The following SLC6A13 variants were observed in gnomAD, a reference collection of about 807,000 sequenced individuals.
SLC6A13 encodes solute carrier family 6 member 13, also known as sodium- and chloride-dependent GABA transporter 2.
In SLC6A13, 69 loss-of-function variants were observed where a neutral mutation model predicts 72.9. The observed-to-expected ratio is 0.95, with a 90% CI of 0.78 to 1.16. The LOEUF is 1.16. Among genes scored for constraint, SLC6A13 ranks in the 50% most tolerant of loss-of-function variants. The pLI, the probability that SLC6A13 is intolerant of heterozygous loss-of-function variation, is 0.00. For missense variants in SLC6A13, 735 were observed against 760.5 expected, an observed-to-expected ratio of 0.97 and a Z score of 0.39; for synonymous variants, 303 against 303.0, an observed-to-expected ratio of 1.00 and a Z score of 0.00.
chr12:221,850 C>T (rs937695083), intron 13 of SLC6A13, among the ~76,000 whole-genome samples: 26 of 152,134 alleles, frequency 1.7e-4, no homozygotes, highest in Non-Finnish European at 3.4e-4. Context: ...TCTCCTGCAC[C>T]GTGAGTTTGG....
At chr12:251,448 T>C (rs797733) in intron 2 of SLC6A13, among the ~76,000 whole-genome samples, 130,929 of 152,190 alleles carry the variant, frequency 0.86, 56,628 homozygotes, top group Non-Finnish European at 0.91. Context: ...TCAACCCATA[T>C]CTTCACTGTA....
intron 14 of SLC6A13, 46 bp from the exon 15 acceptor site, chr12:221,116 G>A (rs1179148089): frequency 1.3e-6 from 2 of 1,542,284 alleles, no homozygotes; most frequent in Non-Finnish European, 1.7e-6. Context: ...AGCGGGGGCA[G>A]GTCTGCCAGC....
intron 2 of SLC6A13, among the ~76,000 whole-genome samples, chr12:247,356 T>G (rs1033412402): frequency 6.6e-6 from 1 of 152,016 alleles, no homozygotes; most frequent in African/African-American, 2.4e-5. Context: ...ACGACACATA[T>G]GTACAGACAA....
chr12:262,674 G>A (rs550610245), intron 1 of SLC6A13, 115 bp downstream of exon 1: 22 of 984,814 alleles, frequency 2.2e-5, no homozygotes, highest in Admixed American at 1.2e-4. Flanking sequence ...TGTCAGAAGC[G>A]TACTTTCTAG....
chr12:255,327 T>G (rs1942702544), intron 2 of SLC6A13, among the ~76,000 whole-genome samples: 1 of 152,104 alleles, frequency 6.6e-6, no homozygotes, highest in African/African-American at 2.4e-5. Flanking sequence ...ATTTTTGCCT[T>G]ATAACCAGTC....
chr12:225,032 C>T (rs968898130), intron 9 of SLC6A13, among the ~76,000 whole-genome samples: 3 of 152,246 alleles, frequency 2.0e-5, no homozygotes, highest in African/African-American at 4.8e-5. Context: ...CCTCTGCGCC[C>T]GGAGCCCTTT....
intron 2 of SLC6A13, chr12:256,787 C>A (rs1213500862): frequency 6.6e-6 from 1 of 152,176 alleles, no homozygotes; most frequent in Admixed American, 6.5e-5. Context: ...CCGCCAAGCA[C>A]AAGAGTGGCT....
intron 5 of SLC6A13, among the ~76,000 whole-genome samples, 184 bp from the exon 6 acceptor site, chr12:237,474 G>C (rs1273611400): frequency 6.6e-6 from 1 of 152,216 alleles, no homozygotes; most frequent in Admixed American, 6.5e-5. Flanking sequence ...AATGGAGACT[G>C]TTCCAGGTAA....
intron 7 of SLC6A13, among the ~76,000 whole-genome samples, chr12:228,024 A>G (rs1941540661): frequency 6.6e-6 from 1 of 152,130 alleles, no homozygotes; most frequent in African/African-American, 2.4e-5. Flanking sequence ...ACTCTCTCCT[A>G]TGACCAGTGT....
At chr12:256,046 T>C (rs1253048209) in intron 2 of SLC6A13, among the ~76,000 whole-genome samples, 1 of 152,022 alleles carries the variant, frequency 6.6e-6, no homozygotes, top group Non-Finnish European at 1.5e-5. Flanking sequence ...CTTTTAAAAA[T>C]TGCCACCACC....
intron 2 of SLC6A13, among the ~76,000 whole-genome samples, chr12:249,764 A>G (rs2137308492): frequency 6.6e-6 from 1 of 152,286 alleles, no homozygotes; most frequent in South Asian, 2.1e-4. Context: ...TAAAGTGAGC[A>G]TTACCCTGAT....
chr12:239,259 CACCG>C, intron 4 of SLC6A13, among the ~76,000 whole-genome samples: 2 of 50,528 alleles, frequency 4.0e-5, no homozygotes. Context: ...TCCCTTCAGC[CACCG>C]GCTCTACCAC....
intron 4 of SLC6A13, among the ~76,000 whole-genome samples, chr12:238,905 G>A (rs551198386): frequency 3.9e-5 from 6 of 151,962 alleles, no homozygotes; most frequent in South Asian, 4.1e-4. Context: ...TGTTCCCCTC[G>A]TGGAATCTCC....
chr12:233,493 G>T (rs2137275806), intron 7 of SLC6A13, among the ~76,000 whole-genome samples: 1 of 152,306 alleles, frequency 6.6e-6, no homozygotes, highest in East Asian at 1.9e-4. Context: ...GAGACCCGGA[G>T]CCTCTGGACA....
intron 4 of SLC6A13, among the ~76,000 whole-genome samples, chr12:239,027 C>T (rs1942047459): frequency 6.6e-6 from 1 of 152,220 alleles, no homozygotes; most frequent in South Asian, 2.1e-4. Context: ...CCTTCAAGGC[C>T]ATATTGGATG....
chr12:238,194 T>A, intron 4 of SLC6A13, 184 bp from the exon 5 acceptor site: 1 of 1,531,092 alleles, frequency 6.5e-7, no homozygotes, highest in Non-Finnish European at 8.7e-7. Context: ...GCTCACTCTC[T>A]CCCGCACACT....
intron 1 of SLC6A13, 129 bp downstream of exon 1, chr12:262,660 T>C (rs1942964760): frequency 4.1e-6 from 4 of 984,004 alleles, no homozygotes; most frequent in Non-Finnish European, 4.8e-6. Flanking sequence ...TTTGCACACA[T>C]ACATGTCAGA....
At chr12:229,697 G>A (rs1163901112) in intron 7 of SLC6A13, among the ~76,000 whole-genome samples, 4 of 152,156 alleles carry the variant, frequency 2.6e-5, no homozygotes, top group East Asian at 1.9e-4. Context: ...GAGTCCTCGC[G>A]CCTTGGACAT....
intron 4 of SLC6A13, among the ~76,000 whole-genome samples, chr12:240,129 G>A (rs1370670728): frequency 6.6e-6 from 1 of 151,768 alleles, no homozygotes; most frequent in African/African-American, 2.4e-5. Context: ...TGTCAAGGGT[G>A]GTCTCAGTAC....
Sources: allele counts gnomAD v4.1 joint callset (sites outside exome capture counted in the v4.1 genomes callset), GRCh38; gene constraint gnomAD v4.1.1; transcripts MANE v1.5; gene names NCBI Gene and HGNC (gene_info 2026-07-23, HGNC 2026-07-21).